The following ETFA variants were observed in gnomAD, a reference collection of about 807,000 sequenced individuals.
ETFA encodes electron transfer flavoprotein subunit alpha, mitochondrial.
In ETFA, 22 loss-of-function variants were observed where a neutral mutation model predicts 46.2. The observed-to-expected ratio is 0.48, with a 90% CI of 0.34 to 0.68. The LOEUF (loss-of-function observed/expected upper bound fraction) is 0.68. Ranked by LOEUF, ETFA falls within the 30% of genes least tolerant of loss-of-function variation. ETFA has a pLI of 0.01. For synonymous variants in ETFA, 131 were observed against 139.9 expected (o/e 0.94, Z 0.45); for missense variants, 345 against 401.1 (o/e 0.86, Z 1.19).
At chr15:76,223,669 T>G (rs1449746503) in intron 11 of ETFA, among the ~76,000 whole-genome samples, 1 of 152,208 alleles carries the variant, frequency 6.6e-6, no homozygotes, top group East Asian at 1.9e-4. Flanking sequence ...CCTGAGAACC[T>G]GAAACTGGAA....
intron 7 of ETFA, among the ~76,000 whole-genome samples, chr15:76,285,295 C>G (rs1354438827): frequency 6.6e-6 from 1 of 152,086 alleles, no homozygotes; most frequent in East Asian, 1.9e-4. Flanking sequence ...CAAGATGGCC[C>G]TGAAATTCAA....
At chr15:76,274,943 G>A (rs1419009482) in intron 8 of ETFA, among the ~76,000 whole-genome samples, 6 of 152,100 alleles carry the variant, frequency 3.9e-5, no homozygotes, top group Middle Eastern at 3.2e-3. Context: ...TCAACAATGA[G>A]CCCTATACTT....
chr15:76,257,290 C>T (rs2039354542), intron 9 of ETFA, among the ~76,000 whole-genome samples: 2 of 152,136 alleles, frequency 1.3e-5, no homozygotes, highest in Non-Finnish European at 2.9e-5. Context: ...CACTAAAGTT[C>T]ACCATTTAGA....
intron 9 of ETFA, among the ~76,000 whole-genome samples, chr15:76,273,503 C>G (rs1475359565): frequency 6.6e-6 from 1 of 151,658 alleles, no homozygotes; most frequent in African/African-American, 2.4e-5. Flanking sequence ...TGCAGTGAGC[C>G]GAGATTACAC....
chr15:76,273,951 A>G (rs1041419864), intron 9 of ETFA, among the ~76,000 whole-genome samples: 3 of 152,228 alleles, frequency 2.0e-5, no homozygotes, highest in Non-Finnish European at 4.4e-5. Flanking sequence ...ATACTATAAG[A>G]CAAAATACAG....
chr15:76,222,282 T>C (rs2038963779), intron 11 of ETFA, among the ~76,000 whole-genome samples: 1 of 148,752 alleles, frequency 6.7e-6, no homozygotes, highest in Non-Finnish European at 1.5e-5. Flanking sequence ...ATATTAAAAA[T>C]ATAAAATATA....
At chr15:76,260,343 G>A (rs796653254) in intron 9 of ETFA, 8 of 1,258,552 alleles carry the variant, frequency 6.4e-6, no homozygotes, top group Admixed American at 1.7e-5. Flanking sequence ...CGTCTCTTTC[G>A]GTCTCTTTTG....
At chr15:76,280,476 G>A (rs1182501497) in intron 8 of ETFA, among the ~76,000 whole-genome samples, 1 of 151,828 alleles carries the variant, frequency 6.6e-6, no homozygotes, top group Non-Finnish European at 1.5e-5. Flanking sequence ...AACTACCCTG[G>A]TCCAAACTAT....
chr15:76,261,617 G>A (rs982442965), intron 9 of ETFA: 46 of 435,990 alleles, frequency 1.1e-4, no homozygotes, highest in East Asian at 3.9e-4. Flanking sequence ...AGTCAGAGCC[G>A]CCAGCAGCAG....
intron 4 of ETFA, 82 bp downstream of exon 4, chr15:76,292,349 C>T (rs2039772816): frequency 1.1e-6 from 1 of 911,136 alleles, no homozygotes. Context: ...GCTACATAAA[C>T]AGTCTGTTGC....
At chr15:76,276,624 G>T (rs57505558) in intron 8 of ETFA, among the ~76,000 whole-genome samples, 44,755 of 150,840 alleles carry the variant, frequency 0.3, 6,919 homozygotes, top group East Asian at 0.57. Flanking sequence ...AGGTTTTTTT[G>T]TTGTTGTTGT....
At chr15:76,262,286 A>G (rs2039422190) in intron 9 of ETFA, among the ~76,000 whole-genome samples, 1 of 151,994 alleles carries the variant, frequency 6.6e-6, no homozygotes, top group East Asian at 1.9e-4. Context: ...GAACATCAAG[A>G]TATCTAAAAC....
chr15:76,303,413 T>C (rs2039901497), intron 1 of ETFA, among the ~76,000 whole-genome samples: 1 of 152,068 alleles, frequency 6.6e-6, no homozygotes, highest in African/African-American at 2.4e-5. Flanking sequence ...CTGGCAAAGA[T>C]TTCATGACGA....
intron 1 of ETFA, among the ~76,000 whole-genome samples, chr15:76,298,075 C>T (rs1015109231): frequency 6.6e-6 from 1 of 151,036 alleles, no homozygotes; most frequent in East Asian, 1.9e-4. Context: ...GAGAGTCTTG[C>T]TCTGTTGCCC....
intron 10 of ETFA, chr15:76,231,059 CAAAG>C (rs767666355): frequency 2.5e-6 from 1 of 400,694 alleles, no homozygotes; most frequent in Non-Finnish European, 4.5e-6. Context: ...ATTTAGTAGA[CAAAG>C]AAACTGAGTT....
In ETFA at chr15:76,272,786, G is replaced by A. The variant is rs193189147; in HGVS notation, c.816+1626C>T. Among the ~76,000 whole-genome samples the A allele has an allele frequency of 6.5e-5, 9 of 137,520 alleles. 1 individual carries two copies. Among genetic ancestry groups the A allele is most frequent in the Admixed American group, 4.3e-4 (6 of 13,844 alleles). 90.2% of individuals were successfully genotyped at this position (137,520 alleles called of 152,430 possible). ...CCTGCACTCCAGCCCAGGTAACATA[G>A]CAAGACCCTGTCTCTTAAAATATAT... is the stretch of plus-strand genomic sequence containing the variant. On this transcript the variant is annotated intron_variant, in intron 9 of 11. Coordinates refer to ENST00000557943, the MANE Select transcript of ETFA (RefSeq NM_000126.4).
intron 9 of ETFA, among the ~76,000 whole-genome samples, chr15:76,266,047 A>G (rs542426026): frequency 6.6e-6 from 1 of 152,332 alleles, no homozygotes; most frequent in Admixed American, 6.5e-5. Flanking sequence ...TACAGAGCCT[A>G]CTTTCTCCCC....
chr15:76,278,770 G>C (rs7177769), intron 8 of ETFA, among the ~76,000 whole-genome samples: 2,227 of 152,232 alleles, frequency 0.015, 56 homozygotes, highest in African/African-American at 0.049. Flanking sequence ...GATCAAAAGA[G>C]AATTTCCACA....
chr15:76,275,886 C>G (rs948210093), intron 8 of ETFA, among the ~76,000 whole-genome samples: 1 of 152,122 alleles, frequency 6.6e-6, no homozygotes, highest in African/African-American at 2.4e-5. Flanking sequence ...TAATTCCTAT[C>G]TCCTGTTTCT....
Sources: gnomAD v4.1 joint callset for allele counts (sites outside exome capture counted in the v4.1 genomes callset) on GRCh38, gnomAD v4.1.1 for gene constraint, MANE v1.5 for transcripts, NCBI Gene and HGNC (gene_info 2026-07-23, HGNC 2026-07-21) for gene names.